PTPRN2: variants seen among roughly 807,000 people sequenced by gnomAD.
PTPRN2 encodes protein tyrosine phosphatase receptor type N2, also known as receptor-type tyrosine-protein phosphatase N2.
PTPRN2 carries 74 observed loss-of-function variants against 118.8 expected under a neutral mutation model. The ratio of observed to expected loss-of-function variants is 0.62; its 90% CI spans 0.52 to 0.76. The LOEUF is 0.76. Among genes scored for constraint, PTPRN2 ranks in the 30% least tolerant of loss-of-function variants. The pLI, the probability that PTPRN2 is intolerant of heterozygous loss-of-function variation, is 0.00. For synonymous variants in PTPRN2, 641 were observed against 608.0 expected, an observed-to-expected ratio of 1.05 and a Z score of -0.80; for missense variants, 1,481 against 1,394.4, an observed-to-expected ratio of 1.06 and a Z score of -0.99.
chr7:158,495,341 C>T (rs905619013), intron 1 of PTPRN2, among the ~76,000 whole-genome samples: 1 of 152,178 alleles, frequency 6.6e-6, no homozygotes, highest in Non-Finnish European at 1.5e-5. Context: ...AAACATCATC[C>T]TCATTTTTAA....
rs567906359 is a variant in PTPRN2 at position 157,801,046 on chromosome 7, C to CATATATACACAT, written c.1788+97615_1788+97626dup. On this transcript the variant is annotated intron_variant, in intron 12 of 22. Coordinates refer to ENST00000389418, the MANE Select transcript of PTPRN2 (RefSeq NM_002847.5). This position sits in a 1 kb window ranked among gnomAD's most constrained non-coding sequence, Gnocchi z 4.2. ...ACATATATATACACATATATATACACATATATACACATATATATACACATA... is the reference window on the plus strand; with the variant it reads ...ACATATATATACACATATATATACACATATATACACATATATATACACATATATATACACATA... 4.8e-5 allele frequency among the ~76,000 whole-genome samples: 7 copies of CATATATACACAT among 146,848 alleles called. No individual in the cohort carries two copies. Among genetic ancestry groups the CATATATACACAT allele is most frequent in the African/African-American group, 1.0e-4 (4 of 39,864 alleles).
intron 11 of PTPRN2, among the ~76,000 whole-genome samples, chr7:157,926,356 A>G (rs1585028001): frequency 6.6e-6 from 1 of 152,174 alleles, no homozygotes; most frequent in Non-Finnish European, 1.5e-5. Flanking sequence ...CCACCACTAA[A>G]CCACAGCCAC....
intron 13 of PTPRN2, among the ~76,000 whole-genome samples, chr7:157,661,758 A>G (rs1795904092): frequency 6.6e-6 from 1 of 152,140 alleles, no homozygotes; most frequent in Non-Finnish European, 1.5e-5. Flanking sequence ...GGGGCAGGTG[A>G]GAGACGCGTC....
chr7:158,554,810 T>C (rs1826870776), intron 1 of PTPRN2, among the ~76,000 whole-genome samples: 1 of 152,016 alleles, frequency 6.6e-6, no homozygotes, highest in African/African-American at 2.4e-5. Flanking sequence ...AGCCCCTCCA[T>C]GGGCTGTGTC....
chr7:157,750,770 C>G (rs1485033109), intron 12 of PTPRN2, among the ~76,000 whole-genome samples: 1 of 152,242 alleles, frequency 6.6e-6, no homozygotes, highest in African/African-American at 2.4e-5. Flanking sequence ...CCGCAGCGTT[C>G]AGCTCCTCAG....
At chr7:158,138,661 G>T in intron 6 of PTPRN2, 146 bp from the exon 7 acceptor site, 1 of 679,372 alleles carries the variant, frequency 1.5e-6, no homozygotes, top group Non-Finnish European at 2.5e-6. Flanking sequence ...GCTCAGAGAA[G>T]ATTGGGATAT....
At chr7:158,551,164 A>G (rs1409358634) in intron 1 of PTPRN2, among the ~76,000 whole-genome samples, 2 of 152,252 alleles carry the variant, frequency 1.3e-5, no homozygotes, top group African/African-American at 4.8e-5. Flanking sequence ...GTGCTGGCAC[A>G]GCTGGGCTCT....
At chr7:158,203,642 T>C (rs1826855112) in intron 4 of PTPRN2, among the ~76,000 whole-genome samples, 1 of 152,106 alleles carries the variant, frequency 6.6e-6, no homozygotes, top group Admixed American at 6.6e-5. Context: ...GTTTTCCCAA[T>C]TCTTCCAGCC....
chr7:158,422,839 C>T (rs1307643089), intron 2 of PTPRN2, among the ~76,000 whole-genome samples: 3 of 152,230 alleles, frequency 2.0e-5, no homozygotes, highest in East Asian at 1.9e-4. Flanking sequence ...ATAATCTTCC[C>T]GAGCTCGGCC....
intron 12 of PTPRN2, among the ~76,000 whole-genome samples, chr7:157,786,326 GA>G (rs1585463329): frequency 6.6e-6 from 1 of 152,228 alleles, no homozygotes; most frequent in Non-Finnish European, 1.5e-5. Flanking sequence ...AACATGTTTT[GA>G]AAAACTGCCT....
At chr7:157,745,579 A>G (rs1800879488) in intron 12 of PTPRN2, among the ~76,000 whole-genome samples, 2 of 152,138 alleles carry the variant, frequency 1.3e-5, no homozygotes, top group South Asian at 2.1e-4. Flanking sequence ...CTCAGTCCTG[A>G]TATTTATCTC....
chr7:157,621,363 G>A lies in PTPRN2; in HGVS notation c.2343C>T (p.Thr781=), dbSNP rs146646375. The change falls in exon 15 of 23, where the codon ACC becomes ACT. Residue 781 remains threonine (T), a splice_region_variant and synonymous_variant. Coordinates refer to ENST00000389418, the MANE Select transcript of PTPRN2 (RefSeq NM_002847.5). Reference sequence around the variant, plus strand: ...CCTGCCCCCGGGGCTGGTACGTACAGGTCAGCACGGCCAGGGAGCGGTTCT... The same window carrying A: ...CCTGCCCCCGGGGCTGGTACGTACAAGTCAGCACGGCCAGGGAGCGGTTCT... ...VPKNRSLAVL[T]YDHSRVLLKA... The A allele has an allele frequency of 5.6e-4, 906 of 1,611,928 alleles. 6 individuals are homozygous for A. The African/African-American group carries it at 0.01, about 19-fold the overall frequency.
intron 6 of PTPRN2, among the ~76,000 whole-genome samples, chr7:158,159,575 G>C (rs552563371): frequency 6.6e-6 from 1 of 152,318 alleles, no homozygotes; most frequent in African/African-American, 2.4e-5. Context: ...GGTTCTAACA[G>C]GTTGGTTACC....
intron 2 of PTPRN2, among the ~76,000 whole-genome samples, chr7:158,439,423 T>A (rs1270345605): frequency 1.3e-5 from 2 of 152,098 alleles, no homozygotes; most frequent in African/African-American, 4.8e-5. Context: ...GTTTTTATAT[T>A]TTTTTAAGGG....
chr7:158,108,240 A>G (rs1182049097), intron 10 of PTPRN2, among the ~76,000 whole-genome samples: 3 of 150,906 alleles, frequency 2.0e-5, no homozygotes, highest in African/African-American at 7.3e-5. Context: ...CTCACCCACT[A>G]TAGCCCCACA....
At chr7:158,383,175 AG>A (rs143969593) in intron 2 of PTPRN2, among the ~76,000 whole-genome samples, 1,898 of 152,326 alleles carry the variant, frequency 0.012, 47 homozygotes, top group African/African-American at 0.043. Context: ...AGAGTTCAAA[AG>A]ACACACCTCA....
intron 2 of PTPRN2, among the ~76,000 whole-genome samples, chr7:158,437,940 A>G (rs1185231137): frequency 6.6e-6 from 1 of 152,196 alleles, no homozygotes; most frequent in African/African-American, 2.4e-5. Context: ...GAGGTTGCCA[A>G]GTGCTCTGTG....
At chr7:158,302,650 G>A (rs557178976) in intron 3 of PTPRN2, among the ~76,000 whole-genome samples, 7 of 152,312 alleles carry the variant, frequency 4.6e-5, no homozygotes, top group Non-Finnish European at 8.8e-5. Context: ...CGTGATGTGC[G>A]TAAGATGGCA....
rs1231512904 is a variant in PTPRN2 at position 158,329,721 on chromosome 7, G to A, written c.164-12789C>T. Among the ~76,000 whole-genome samples the A allele has an allele frequency of 7.9e-5, 12 of 152,302 alleles. 1 individual carries two copies. The East Asian group carries it at 1.9e-3, about 24-fold the overall frequency. ...CGTATTATTATCCCATTGACGCCAT[G>A]TGGAAATTAAGGCACAGGGAGGTTA... On this transcript the variant is annotated intron_variant, in intron 2 of 22. Coordinates refer to ENST00000389418, the MANE Select transcript of PTPRN2 (RefSeq NM_002847.5).
Sources: gnomAD v4.1 joint callset for allele counts (sites outside exome capture counted in the v4.1 genomes callset) on GRCh38, gnomAD v4.1.1 for gene constraint, Gnocchi (gnomAD v3.1) non-coding constraint, MANE v1.5 for transcripts, NCBI Gene and HGNC (gene_info 2026-07-23, HGNC 2026-07-21) for gene names.